The following OXSR1 variants were observed in gnomAD, a reference collection of about 807,000 sequenced individuals.
OXSR1 encodes the protein serine/threonine-protein kinase OSR1.
In OXSR1, 24 loss-of-function variants were observed where a neutral mutation model predicts 79.8. The ratio of observed to expected loss-of-function variants is 0.30; its 90% confidence interval spans 0.22 to 0.42. The LOEUF (loss-of-function observed/expected upper bound fraction) is 0.42, where lower values mean the gene tolerates loss of function less well. OXSR1 is among the 10% of genes least tolerant of loss of function. OXSR1 has a pLI of 1.00. For missense variants in OXSR1, 430 were observed against 618.4 expected (o/e 0.70, Z 3.23); for synonymous variants, 226 against 209.2 (o/e 1.08, Z -0.69).
intron 8 of OXSR1, among the ~76,000 whole-genome samples, chr3:38,229,218 C>T (rs1702755465): frequency 1.3e-5 from 2 of 151,936 alleles, no homozygotes; most frequent in South Asian, 2.1e-4. Flanking sequence ...TCTGTGGTTA[C>T]CTAAATTGAA....
At chr3:38,191,034 A>C (rs1052707750) in intron 3 of OXSR1, among the ~76,000 whole-genome samples, 195 bp downstream of exon 3, 4 of 152,064 alleles carry the variant, frequency 2.6e-5, no homozygotes, top group Non-Finnish European at 5.9e-5. Flanking sequence ...TTTTGTTGTC[A>C]TGCTGCTTAA....
chr3:38,200,389 A>T (rs1702143457), intron 4 of OXSR1, among the ~76,000 whole-genome samples: 3 of 152,178 alleles, frequency 2.0e-5, no homozygotes. Flanking sequence ...CTTTCCTATG[A>T]TGTTGAAAAA....
At chr3:38,228,075 TCTGA>T (rs1411121681) in intron 8 of OXSR1, among the ~76,000 whole-genome samples, 2 of 152,322 alleles carry the variant, frequency 1.3e-5, no homozygotes, top group African/African-American at 4.8e-5. Flanking sequence ...AGCCTGTTGC[TCTGA>T]CTACTGTCAG....
chr3:38,165,786 G>GGCA lies in OXSR1; in HGVS notation c.-89_-88insAGC. ...CGATTGGTGGGGGCGCGGCGGCGGC[G>GGCA]GCGGCGGCTGTTGGGGGTGGGGAGA... On this transcript the variant is annotated 5_prime_UTR_variant, in exon 1 of 18. Coordinates refer to ENST00000311806, the MANE Select transcript of OXSR1 (RefSeq NM_005109.3). The GGCA allele has an allele frequency of 8.7e-7, 1 of 1,155,724 alleles. No homozygotes were observed. The highest frequency in any genetic ancestry group is 1.3e-6 in the Non-Finnish European group (1 of 798,246). 71.6% of individuals were successfully genotyped at this position (1,155,724 alleles called of 1,614,324 possible).
chr3:38,183,738 G>A (rs1368486817), intron 2 of OXSR1, among the ~76,000 whole-genome samples: 1 of 152,174 alleles, frequency 6.6e-6, no homozygotes, highest in East Asian at 1.9e-4. Context: ...AGAAAGGGAA[G>A]TCCCAAGCAA....
intron 4 of OXSR1, among the ~76,000 whole-genome samples, chr3:38,201,198 G>T (rs1349071000): frequency 6.6e-6 from 1 of 152,094 alleles, no homozygotes; most frequent in East Asian, 1.9e-4. Flanking sequence ...GTGCTGCTGA[G>T]CCCAGCTCAA....
chr3:38,234,380 T>C (rs1034653769), intron 10 of OXSR1, among the ~76,000 whole-genome samples: 6 of 152,158 alleles, frequency 3.9e-5, no homozygotes, highest in Non-Finnish European at 8.8e-5. Flanking sequence ...CTAGAATATA[T>C]AAAGAACTTT....
chr3:38,186,659 A>G (rs569799316), intron 2 of OXSR1, among the ~76,000 whole-genome samples: 6 of 152,300 alleles, frequency 3.9e-5, no homozygotes, highest in African/African-American at 1.4e-4. Context: ...TTTATTGGTG[A>G]ATAACAGTCC....
At chr3:38,230,843 G>A (rs1702790129) in intron 10 of OXSR1, 1 of 172,364 alleles carries the variant, frequency 5.8e-6, no homozygotes, top group South Asian at 1.4e-4. Flanking sequence ...AAGAAGTTTG[G>A]TCATGATGTG....
intron 1 of OXSR1, among the ~76,000 whole-genome samples, chr3:38,177,613 C>T (rs1341168848): frequency 6.6e-6 from 1 of 151,922 alleles, no homozygotes; most frequent in African/African-American, 2.4e-5. Flanking sequence ...TAGGCAAGGT[C>T]TCACTCTTTC....
chr3:38,199,373 C>T (rs747053888), intron 4 of OXSR1, among the ~76,000 whole-genome samples: 1 of 151,356 alleles, frequency 6.6e-6, no homozygotes, highest in Non-Finnish European at 1.5e-5. Flanking sequence ...AAGTGATCCT[C>T]CCACCTCAGC....
rs1013557370 is a variant in OXSR1 at position 38,190,754 on chromosome 3, A to G, written c.207A>G (p.Gln69=). 6 of 1,597,230 alleles carry G rather than the reference A, an allele frequency of 3.8e-6. No homozygotes were observed. Among genetic ancestry groups the G allele is most frequent in the African/African-American group, 1.3e-5 (1 of 74,690 alleles). ...AGAAAGAAATTCAAGCCATGAGTCA[A>G]TGCCATCATCCTAATATTGTATCTT... ...ELLKEIQAMS[Q]CHHPNIVSYY... is the part of the protein sequence containing the mutation. Residue 69 remains glutamine, a synonymous_variant, in exon 3 of 18, where the codon CAA becomes CAG. Transcript: ENST00000311806.
At chr3:38,223,713 G>C in intron 6 of OXSR1, 99 bp from the exon 7 acceptor site, 1 of 706,032 alleles carries the variant, frequency 1.4e-6, no homozygotes, top group Non-Finnish European at 2.3e-6. Flanking sequence ...GCCTCCCAAA[G>C]TGCTGGGATT....
At position 38,165,774 on chromosome 3, in the gene OXSR1, C is replaced by CGCGGCG. The variant is rs900019822; in HGVS notation, c.-88_-83dup. 5.9e-5 allele frequency: 60 copies of CGCGGCG among 1,008,810 alleles called. No individual in the cohort carries two copies. The highest frequency in any genetic ancestry group is 2.6e-4 in the East Asian group (10 of 38,050). 62.5% of individuals were successfully genotyped at this position (1,008,810 alleles called of 1,614,324 possible). ...GCTGTTCCGAGACGATTGGTGGGGGCGCGGCGGCGGCGGCGGCGGCTGTTG... is the reference window on the plus strand; with the variant it reads ...GCTGTTCCGAGACGATTGGTGGGGGCGCGGCGGCGGCGGCGGCGGCGGCGGCTGTTG... On this transcript the variant is annotated 5_prime_UTR_variant, in exon 1 of 18. Transcript: ENST00000311806.
At chr3:38,203,222 A>G (rs547603535) in intron 4 of OXSR1, among the ~76,000 whole-genome samples, 2 of 152,322 alleles carry the variant, frequency 1.3e-5, no homozygotes, top group East Asian at 1.9e-4. Flanking sequence ...TCGGCTACCT[A>G]AAAGGGAAGG....
intron 1 of OXSR1, among the ~76,000 whole-genome samples, chr3:38,168,631 C>T (rs2125798017): frequency 6.6e-6 from 1 of 152,236 alleles, no homozygotes; most frequent in South Asian, 2.1e-4. Flanking sequence ...AGAACATTTC[C>T]ATCATTCCAG....
chr3:38,178,248 G>T (rs1038548034), intron 1 of OXSR1, among the ~76,000 whole-genome samples: 10 of 152,084 alleles, frequency 6.6e-5, no homozygotes, highest in Non-Finnish European at 1.3e-4. Flanking sequence ...ACTGTGCCCA[G>T]CCCCGTGCAG....
At chr3:38,179,647 C>G (rs1163427863) in intron 1 of OXSR1, among the ~76,000 whole-genome samples, 2 of 152,072 alleles carry the variant, frequency 1.3e-5, no homozygotes, top group Admixed American at 1.3e-4. Flanking sequence ...TTCCAGGACT[C>G]CCAAATTCAT....
In OXSR1 at chr3:38,223,662, C is replaced by G. The variant is rs9883887; in HGVS notation, c.601-150C>G. 2.5e-3 allele frequency: 1,205 copies of G among 477,604 alleles called. 13 individuals carry two copies. Among genetic ancestry groups the G allele is most frequent in the African/African-American group, 0.022 (1,099 of 49,460 alleles). 29.6% of individuals were successfully genotyped at this position (477,604 alleles called of 1,614,324 possible). On this transcript the variant is annotated intron_variant, in intron 6 of 17. Coordinates refer to ENST00000311806, the MANE Select transcript of OXSR1 (RefSeq NM_005109.3). Reference sequence around the variant, plus strand: ...ATGGAGTTTCTCCATGTTGGTCAGGCCGGTCTTGAACTCCCAACCTCAGGT... The same window carrying G: ...ATGGAGTTTCTCCATGTTGGTCAGGGCGGTCTTGAACTCCCAACCTCAGGT...
Sources: allele counts gnomAD v4.1 joint callset (sites outside exome capture counted in the v4.1 genomes callset), GRCh38; gene constraint gnomAD v4.1.1; transcripts MANE v1.5; gene names NCBI Gene and HGNC (gene_info 2026-07-23, HGNC 2026-07-21).